The following UBR2 variants were observed in gnomAD, a reference collection of about 807,000 sequenced individuals.
UBR2 encodes the protein ubiquitin protein ligase E3 component n-recognin 2, also known as E3 ubiquitin-protein ligase UBR2.
In UBR2, 92 loss-of-function variants were observed where a neutral mutation model predicts 247.9. That is an observed-to-expected ratio of 0.37 (90% CI 0.31 to 0.44). UBR2 has a LOEUF of 0.44. Among genes scored for constraint, UBR2 ranks in the 20% least tolerant of loss-of-function variants. The pLI is 1.00. For missense variants in UBR2, 1,613 were observed against 2,112.6 expected (o/e 0.76, Z 4.64); for synonymous variants, 672 against 693.5 (o/e 0.97, Z 0.49).
intron 2 of UBR2, among the ~76,000 whole-genome samples, chr6:42,587,649 A>T (rs1792383896): frequency 6.6e-6 from 1 of 152,178 alleles, no homozygotes; most frequent in Non-Finnish European, 1.5e-5. Context: ...TGAACCACCA[A>T]GCCCAGACTT....
chr6:42,611,459 C>CA (rs71753208), intron 7 of UBR2, among the ~76,000 whole-genome samples: 2,644 of 132,332 alleles, frequency 0.02, 55 homozygotes, highest in African/African-American at 0.068. Flanking sequence ...GACTCCATCT[C>CA]AAAAAAAAAA....
intron 22 of UBR2, among the ~76,000 whole-genome samples, chr6:42,648,648 T>A (rs1361805793): frequency 6.6e-6 from 1 of 152,202 alleles, no homozygotes; most frequent in Non-Finnish European, 1.5e-5. Context: ...CCTACCCCAA[T>A]GACAATGTAT....
At position 42,685,795 on chromosome 6, in the gene UBR2, C is replaced by G. The variant is rs185436768; in HGVS notation, c.4853+924C>G. 1.1e-3 allele frequency among the ~76,000 whole-genome samples: 163 copies of G among 151,816 alleles called. 1 individual carries two copies. The highest frequency in any genetic ancestry group is 3.6e-3 in the African/African-American group (151 of 41,386). On this transcript the variant is annotated intron_variant, in intron 44 of 46. Coordinates refer to ENST00000372901, the MANE Select transcript of UBR2 (RefSeq NM_001363705.2). ...GGGAGGCTGAGGTGGGAGTATCACT[C>G]GAGCCCAGGAGATGGAGGCTGCAGT... is the stretch of plus-strand genomic sequence containing the variant.
At position 42,681,874 on chromosome 6, in the gene UBR2, C is replaced by T. The variant is rs898602974; in HGVS notation, c.4719-1181C>T. Among the ~76,000 whole-genome samples the T allele has an allele frequency of 3.3e-5, 5 of 152,194 alleles. No homozygotes were observed. The South Asian group carries it at 1.0e-3, about 31-fold the overall frequency. ...GATGTTCAACAGATGAATGGATGCACAAAATGTGGTGTGTACACACACACA... is the reference window on the plus strand; with the variant it reads ...GATGTTCAACAGATGAATGGATGCATAAAATGTGGTGTGTACACACACACA... On this transcript the variant is annotated intron_variant, in intron 42 of 46. Coordinates refer to ENST00000372901, the MANE Select transcript of UBR2 (RefSeq NM_001363705.2).
At chr6:42,662,949 C>CA (rs199701853) in intron 31 of UBR2, among the ~76,000 whole-genome samples, 107 of 148,838 alleles carry the variant, frequency 7.2e-4, no homozygotes, top group Non-Finnish European at 9.8e-4. Context: ...ACAACAACAA[C>CA]AACAAAAAAA....
rs747219265 is a variant in UBR2 at position 42,632,666 on chromosome 6, T to G, written c.1396T>G (p.Leu466Val). The G allele has an allele frequency of 6.8e-5, 109 of 1,612,872 alleles. No individual in the cohort carries two copies. Among genetic ancestry groups the G allele is most frequent in the Non-Finnish European group, 1.7e-5 (20 of 1,179,628 alleles). Reference sequence around the variant, plus strand: ...ATTTCAGTTTGAACGATACACTGCTTTACAAGCCTTCAAATTTAGGAGAGT... The same window carrying G: ...ATTTCAGTTTGAACGATACACTGCTGTACAAGCCTTCAAATTTAGGAGAGT... The part of the protein sequence containing the change: ...GRFQFERYTA[L>V]QAFKFRRVQS... The change falls in exon 12 of 47, where the codon TTA (leucine) becomes GTA (valine). Residue 466 changes from leucine (L) to valine (V), a missense_variant. Coordinates refer to ENST00000372901, the MANE Select transcript of UBR2 (RefSeq NM_001363705.2).
intron 8 of UBR2, among the ~76,000 whole-genome samples, chr6:42,614,204 A>ATAT (rs1562310759): frequency 1.7e-5 from 1 of 59,004 alleles, no homozygotes; most frequent in Admixed American, 2.4e-4. Flanking sequence ...AAAAAAAAAA[A>ATAT]ACTATATATA....
At chr6:42,674,437 C>G (rs1197668606) in intron 38 of UBR2, among the ~76,000 whole-genome samples, 1 of 152,164 alleles carries the variant, frequency 6.6e-6, no homozygotes, top group East Asian at 1.9e-4. Context: ...GTATTTTAAC[C>G]TCTCTGTGCT....
At position 42,677,625 on chromosome 6, in the gene UBR2, A is replaced by G. The variant is rs76984487; in HGVS notation, c.4478+752A>G. ...AAACCCTGTCTCTACCAAAAAATAC[A>G]AAAATTAGCCAGGCATGGTAGCATG... On this transcript the variant is annotated intron_variant, in intron 40 of 46. Coordinates refer to ENST00000372901, the MANE Select transcript of UBR2 (RefSeq NM_001363705.2). Among the ~76,000 whole-genome samples the G allele has an allele frequency of 7.9e-3, 1,201 of 152,090 alleles. 103 individuals carry two copies. The East Asian group carries it at 0.2, about 25-fold the overall frequency.
At chr6:42,645,135 G>C (rs934035234) in intron 20 of UBR2, among the ~76,000 whole-genome samples, 1 of 152,020 alleles carries the variant, frequency 6.6e-6, no homozygotes, top group Non-Finnish European at 1.5e-5. Flanking sequence ...GGAAAGGAAG[G>C]CTCTCTCTCC....
chr6:42,573,650 TGTACCTAAAAGAAA>T, intron 1 of UBR2, 70 bp from the exon 2 acceptor site: 1 of 1,361,334 alleles, frequency 7.3e-7, no homozygotes, highest in South Asian at 1.9e-5. Context: ...TCATTATTTT[TGTACCTAAAAGAAA>T]GTAGGGTGAA....
chr6:42,615,214 C>G, intron 9 of UBR2, 36 bp downstream of exon 9: 2 of 1,483,662 alleles, frequency 1.3e-6, no homozygotes, highest in Non-Finnish European at 1.8e-6. Flanking sequence ...TGTAGAGGAA[C>G]CTATATAAGT....
chr6:42,570,659 A>G (rs1791058315), intron 1 of UBR2, among the ~76,000 whole-genome samples: 4 of 151,260 alleles, frequency 2.6e-5, no homozygotes, highest in South Asian at 4.2e-4. Context: ...TAATATTTTT[A>G]TGTAAAGTGG....
At chr6:42,652,738 G>A (rs143459375) in intron 25 of UBR2, 93 bp downstream of exon 25, 52 of 1,159,748 alleles carry the variant, frequency 4.5e-5, no homozygotes, top group African/African-American at 4.3e-4. Context: ...AAACTAGGCC[G>A]AAATGTATTG....
rs1796600830 is a variant in UBR2 at position 42,644,099 on chromosome 6, A to T, written c.2098-115A>T. On this transcript the variant is annotated intron_variant, in intron 18 of 46. Coordinates refer to ENST00000372901, the MANE Select transcript of UBR2 (RefSeq NM_001363705.2). Reference sequence around the variant, plus strand: ...TATTGGGATTGGTGAACCTTTTAGGATTGGTAAACTGCTTTCTCTTGGGCA... The same window carrying T: ...TATTGGGATTGGTGAACCTTTTAGGTTTGGTAAACTGCTTTCTCTTGGGCA... 13 of 1,047,966 alleles carry T rather than the reference A, an allele frequency of 1.2e-5. No homozygotes were observed. In the South Asian group the frequency reaches 2.2e-4, roughly 18 times the overall value. 64.9% of individuals were successfully genotyped at this position (1,047,966 alleles called of 1,614,324 possible).
At chr6:42,668,701 C>T (rs2151981031) in intron 34 of UBR2, among the ~76,000 whole-genome samples, 1 of 152,210 alleles carries the variant, frequency 6.6e-6, no homozygotes, top group South Asian at 2.1e-4. Context: ...CTCGGCCTCC[C>T]AAAGTGCTGC....
intron 2 of UBR2, among the ~76,000 whole-genome samples, chr6:42,585,337 G>A (rs73438669): frequency 0.023 from 3,468 of 152,106 alleles, 129 homozygotes; most frequent in African/African-American, 0.078. Flanking sequence ...GATTCAACTC[G>A]TTAATGTTGT....
At chr6:42,640,179 A>G in intron 15 of UBR2, 30 bp from the exon 16 acceptor site, 1 of 1,570,868 alleles carries the variant, frequency 6.4e-7, no homozygotes, top group South Asian at 1.2e-5. Context: ...ACTGATAGAA[A>G]TACTGTTTTT....
intron 18 of UBR2, among the ~76,000 whole-genome samples, chr6:42,643,521 G>A (rs1796567738): frequency 6.6e-6 from 1 of 152,094 alleles, no homozygotes; most frequent in Non-Finnish European, 1.5e-5. Flanking sequence ...ACTTAAACTT[G>A]GGAGGCGGAG....
Sources: allele counts gnomAD v4.1 joint callset (sites outside exome capture counted in the v4.1 genomes callset), GRCh38; gene constraint gnomAD v4.1.1; transcripts MANE v1.5; gene names NCBI Gene and HGNC (gene_info 2026-07-23, HGNC 2026-07-21).